Variants in NAALADL2 observed in about 807,000 individuals in gnomAD.
NAALADL2 encodes inactive N-acetylated-alpha-linked acidic dipeptidase-like protein 2.
NAALADL2 carries 76 observed loss-of-function variants against 87.2 expected under a neutral mutation model. The observed-to-expected ratio is 0.87, with a 90% CI of 0.72 to 1.05. The LOEUF (loss-of-function observed/expected upper bound fraction) is 1.05. Among genes scored for constraint, NAALADL2 ranks in the 50% least tolerant of loss-of-function variants. The probability of loss-of-function intolerance (pLI) is 0.00; values close to 1 mark genes in which losing one functional copy is unlikely to be tolerated. For synonymous variants in NAALADL2, 354 were observed against 331.0 expected, an observed-to-expected ratio of 1.07 and a Z score of -0.75; for missense variants, 1,089 against 945.8, an observed-to-expected ratio of 1.15 and a Z score of -1.99.
At chr3:175,667,743 G>GTTTTTTTT (rs58514374) in intron 11 of NAALADL2, among the ~76,000 whole-genome samples, 6 of 120,052 alleles carry the variant, frequency 5.0e-5, no homozygotes, top group South Asian at 2.6e-4. Flanking sequence ...GTTTTTTGCT[G>GTTTTTTTT]TTTTTTTTTT....
chr3:174,676,911 AT>A (rs1374447197), intron 2 of NAALADL2, among the ~76,000 whole-genome samples: 1 of 151,978 alleles, frequency 6.6e-6, no homozygotes, highest in African/African-American at 2.4e-5. Context: ...TAATTATATC[AT>A]TGCTGTTACT....
At chr3:175,083,602 G>A (rs1232933219) in intron 1 of NAALADL2, among the ~76,000 whole-genome samples, 1 of 152,036 alleles carries the variant, frequency 6.6e-6, no homozygotes, top group East Asian at 1.9e-4. Flanking sequence ...TAGCTGTCTT[G>A]ACTCCTAATA....
chr3:174,831,588 G>A (rs1320655829), intron 3 of NAALADL2, among the ~76,000 whole-genome samples: 3 of 150,800 alleles, frequency 2.0e-5, no homozygotes, highest in African/African-American at 7.3e-5. Flanking sequence ...TTGTGTCTCT[G>A]CCTGGCTTTG....
chr3:174,679,755 A>C (rs565152698), intron 2 of NAALADL2, among the ~76,000 whole-genome samples: 1 of 152,340 alleles, frequency 6.6e-6, no homozygotes, highest in African/African-American at 2.4e-5. Context: ...AGGAATTTGG[A>C]ATAATTTTAA....
At chr3:174,897,406 T>TA (rs796494534) in intron 1 of NAALADL2, among the ~76,000 whole-genome samples, 9,836 of 139,834 alleles carry the variant, frequency 0.07, 626 homozygotes, top group African/African-American at 0.18. Context: ...GGCAAACTGG[T>TA]AAAAAAAAAA....
chr3:175,787,295 G>A (rs1752144166), intron 13 of NAALADL2, among the ~76,000 whole-genome samples: 1 of 152,072 alleles, frequency 6.6e-6, no homozygotes, highest in Non-Finnish European at 1.5e-5. Context: ...GCAATGGCGG[G>A]TGCCCCTCCC....
chr3:174,563,732 CTT>C (rs1406415181), intron 2 of NAALADL2, among the ~76,000 whole-genome samples: 1 of 151,978 alleles, frequency 6.6e-6, no homozygotes, highest in Non-Finnish European at 1.5e-5. Context: ...TGTTTACAAA[CTT>C]GTGATTTAAT....
chr3:175,306,528 G>A (rs930572496), intron 4 of NAALADL2, among the ~76,000 whole-genome samples: 4 of 151,980 alleles, frequency 2.6e-5, no homozygotes, highest in Non-Finnish European at 5.9e-5. Flanking sequence ...AAAATCCAAA[G>A]CGGCCAGACG....
chr3:175,803,040 G>A lies in NAALADL2; in HGVS notation c.2225G>A (p.Arg742Gln), dbSNP rs758302239. 7.0e-5 allele frequency: 113 copies of A among 1,611,864 alleles called. No homozygotes were observed. The highest frequency in any genetic ancestry group is 9.4e-5 in the African/African-American group (7 of 74,776). ...TACCACCTTGATGAAAAGACAAGCC[G>A]GTTTTCAATACTTATAGAGGCTTGG... ...ILYHLDEKTS[R>Q]FSILIEAWEH... The change falls in exon 14 of 14, where the codon CGG becomes CAG. Residue 742 changes from arginine to glutamine, a missense_variant. Transcript: ENST00000454872.
At chr3:175,171,625 A>G (rs1194293078) in intron 2 of NAALADL2, among the ~76,000 whole-genome samples, 1 of 152,146 alleles carries the variant, frequency 6.6e-6, no homozygotes, top group African/African-American at 2.4e-5. Context: ...GCTAAAAAGC[A>G]GAGTTGTTAT....
At chr3:175,151,458 G>C (rs936479) in intron 2 of NAALADL2, among the ~76,000 whole-genome samples, 44,868 of 152,106 alleles carry the variant, frequency 0.29, 6,849 homozygotes, top group Non-Finnish European at 0.34. Context: ...ATTAACATCT[G>C]ATTTATTATC....
At chr3:175,102,714 T>G (rs960417319) in intron 2 of NAALADL2, among the ~76,000 whole-genome samples, 4 of 152,142 alleles carry the variant, frequency 2.6e-5, no homozygotes, top group Non-Finnish European at 5.9e-5. Context: ...TTGATACAAC[T>G]AAGCAAGCAT....
At chr3:174,736,593 T>G (rs1384187252) in intron 2 of NAALADL2, among the ~76,000 whole-genome samples, 1 of 152,078 alleles carries the variant, frequency 6.6e-6, no homozygotes, top group Non-Finnish European at 1.5e-5. Context: ...GTCATCTCCT[T>G]GAGTCTGGCT....
intron 9 of NAALADL2, among the ~76,000 whole-genome samples, chr3:175,564,322 C>G (rs1716760184): frequency 6.6e-6 from 1 of 152,056 alleles, no homozygotes; most frequent in Admixed American, 6.6e-5. Context: ...TTCTGGTTTA[C>G]TTTTTAAAAA....
At chr3:175,800,095 T>C (rs1753963485) in intron 13 of NAALADL2, among the ~76,000 whole-genome samples, 1 of 152,164 alleles carries the variant, frequency 6.6e-6, no homozygotes, top group African/African-American at 2.4e-5. Flanking sequence ...GGAGCAGTTG[T>C]GTGTATGGGC....
intron 13 of NAALADL2, among the ~76,000 whole-genome samples, chr3:175,786,063 G>C (rs1416526505): frequency 6.6e-6 from 1 of 152,068 alleles, no homozygotes; most frequent in East Asian, 1.9e-4. Flanking sequence ...TTTCTGCCGA[G>C]AGATCCGCTG....
At chr3:174,826,808 CA>C (rs1175216594) in intron 3 of NAALADL2, among the ~76,000 whole-genome samples, 6 of 152,002 alleles carry the variant, frequency 3.9e-5, no homozygotes, top group Admixed American at 1.3e-4. Flanking sequence ...ATAGCATTTC[CA>C]TTCTAGGAGT....
intron 3 of NAALADL2, among the ~76,000 whole-genome samples, chr3:175,236,728 A>G (rs574958658): frequency 1.2e-4 from 19 of 152,154 alleles, no homozygotes; most frequent in Non-Finnish European, 2.6e-4. Context: ...CTAGAGTTCC[A>G]CTATTGGGCA....
chr3:174,948,428 C>T (rs972381459), intron 1 of NAALADL2, among the ~76,000 whole-genome samples: 3 of 152,126 alleles, frequency 2.0e-5, no homozygotes, highest in African/African-American at 7.2e-5. Flanking sequence ...CCACCCGCCT[C>T]GGCCTCTCAA....
Sources: gnomAD v4.1 joint callset for allele counts (sites outside exome capture counted in the v4.1 genomes callset) on GRCh38, gnomAD v4.1.1 for gene constraint, MANE v1.5 for transcripts, NCBI Gene and HGNC (gene_info 2026-07-23, HGNC 2026-07-21) for gene names.